GALNT9: variants seen among roughly 807,000 people sequenced by gnomAD.
The protein encoded by GALNT9 is GalNAc transferase 9.
A neutral mutation model predicts 63.1 loss-of-function variants in GALNT9; 47 were observed. The observed-to-expected ratio is 0.75, with a 90% confidence interval of 0.59 to 0.95. The LOEUF (loss-of-function observed/expected upper bound fraction) is 0.95, where lower values mean the gene tolerates loss of function less well. Ranked by LOEUF, GALNT9 falls within the 40% of genes least tolerant of loss-of-function variation. GALNT9 has a pLI of 0.00. For synonymous variants in GALNT9, 396 were observed against 365.7 expected (o/e 1.08, Z -0.94); for missense variants, 829 against 874.8 (o/e 0.95, Z 0.66).
intron 2 of GALNT9, among the ~76,000 whole-genome samples, chr12:132,267,795 TCACACGCACTCA>T (rs782494708): frequency 1.0e-3 from 50 of 48,276 alleles, no homozygotes; most frequent in Admixed American, 1.2e-3. Flanking sequence ...ACACACGCAC[TCACACGCACTCA>T]CACACGCACT....
In GALNT9 at chr12:132,261,169, C is replaced by T. The variant is rs116574738; in HGVS notation, c.587-47G>A. 9.2e-4 allele frequency: 1,423 copies of T among 1,540,588 alleles called. 11 individuals carry two copies. The African/African-American group carries it at 0.016, about 18-fold the overall frequency. ...GCACGCTGGCAGGTGCTGGCAGGCG[C>T]GGGGCCACCAAGACCCAAGGCTGGA... On this transcript the variant is annotated intron_variant, in intron 3 of 10. Transcript: ENST00000328957.
In GALNT9 at chr12:132,328,948, C is replaced by T; in HGVS notation, c.238+18G>A. The T allele has an allele frequency of 2.0e-6, 3 of 1,505,372 alleles. No individual in the cohort carries two copies. Among genetic ancestry groups the T allele is most frequent in the Non-Finnish European group, 2.7e-6 (3 of 1,126,198 alleles). 93.3% of individuals were successfully genotyped at this position (1,505,372 alleles called of 1,614,324 possible). On this transcript the variant is annotated intron_variant, in intron 1 of 10. Transcript: ENST00000328957. ...CCGGGCAGGGCTGCCCCCACTCCGCCCCGGCGCCCCCGCTCACCGTTGAGC... is the reference window on the plus strand; with the variant it reads ...CCGGGCAGGGCTGCCCCCACTCCGCTCCGGCGCCCCCGCTCACCGTTGAGC...
chr12:132,261,208 G>A (rs1157623968), intron 3 of GALNT9, 86 bp from the exon 4 acceptor site: 82 of 1,526,962 alleles, frequency 5.4e-5, no homozygotes, highest in Non-Finnish European at 6.1e-5. Context: ...GCTGCGTGCC[G>A]CGTGTGGGAT....
intron 6 of GALNT9, among the ~76,000 whole-genome samples, chr12:132,225,436 C>A (rs1801995454): frequency 6.7e-6 from 1 of 149,762 alleles, no homozygotes; most frequent in Admixed American, 6.7e-5. Context: ...ACACCCCCCA[C>A]ACACACACCA....
intron 1 of GALNT9, among the ~76,000 whole-genome samples, chr12:132,314,674 G>T (rs1766711290): frequency 6.6e-6 from 1 of 152,238 alleles, no homozygotes; most frequent in South Asian, 2.1e-4. Flanking sequence ...CCCCCTGCCT[G>T]ACTGTGAACT....
intron 7 of GALNT9, among the ~76,000 whole-genome samples, chr12:132,202,911 G>T (rs919701878): frequency 2.0e-5 from 3 of 152,148 alleles, no homozygotes; most frequent in African/African-American, 7.2e-5. Context: ...AACTTGAAGC[G>T]GGTCAGCCAC....
intron 3 of GALNT9, 78 bp from the exon 4 acceptor site, chr12:132,261,200 T>A (rs533969997): frequency 6.5e-6 from 10 of 1,531,488 alleles, no homozygotes; most frequent in Non-Finnish European, 8.8e-6. Context: ...CTGGAAATGC[T>A]GCGTGCCGCG....
chr12:132,269,361 G>A (rs939536882), intron 2 of GALNT9, among the ~76,000 whole-genome samples: 1 of 152,256 alleles, frequency 6.6e-6, no homozygotes, highest in African/African-American at 2.4e-5. Flanking sequence ...GTGGCTGCGA[G>A]CTTTTCCGAG....
intron 1 of GALNT9, among the ~76,000 whole-genome samples, chr12:132,299,072 AC>A (rs144609310): frequency 0.095 from 12,840 of 135,408 alleles, 936 homozygotes; most frequent in East Asian, 0.18. Context: ...ACCACACCTA[AC>A]CCACCCGAGA....
At chr12:132,326,906 T>C (rs1869060065) in intron 1 of GALNT9, among the ~76,000 whole-genome samples, 1 of 152,224 alleles carries the variant, frequency 6.6e-6, no homozygotes, top group Admixed American at 6.5e-5. Flanking sequence ...ATCAGGCCTC[T>C]ACGGCACCGC....
At chr12:132,251,028 G>A (rs973184355) in intron 5 of GALNT9, among the ~76,000 whole-genome samples, 1 of 152,154 alleles carries the variant, frequency 6.6e-6, no homozygotes, top group African/African-American at 2.4e-5. Context: ...CAAGGGCACC[G>A]GAGCCGCGTC....
chr12:132,264,691 T>C (rs28707148), intron 2 of GALNT9, among the ~76,000 whole-genome samples: 10,826 of 152,212 alleles, frequency 0.071, 1,292 homozygotes, highest in African/African-American at 0.25. Context: ...TGGGCTCTGA[T>C]TGGGTGACGT....
intron 6 of GALNT9, among the ~76,000 whole-genome samples, chr12:132,204,786 C>G (rs1267073900): frequency 1.3e-5 from 2 of 152,128 alleles, no homozygotes; most frequent in African/African-American, 4.8e-5. Flanking sequence ...TAAAAAAAGG[C>G]CGATGCCACC....
chr12:132,220,887 T>A (rs962822219), intron 6 of GALNT9, among the ~76,000 whole-genome samples: 3 of 148,232 alleles, frequency 2.0e-5, no homozygotes, highest in African/African-American at 7.5e-5. Context: ...TGAAACCCTG[T>A]CTCTACTAAA....
intron 5 of GALNT9, among the ~76,000 whole-genome samples, chr12:132,256,466 C>T (rs935220271): frequency 6.6e-6 from 1 of 151,138 alleles, no homozygotes; most frequent in Non-Finnish European, 1.5e-5. Flanking sequence ...TGAGTAACGC[C>T]GCTGTGAACG....
At chr12:132,229,566 A>C (rs1877819444) in intron 6 of GALNT9, among the ~76,000 whole-genome samples, 1 of 152,242 alleles carries the variant, frequency 6.6e-6, no homozygotes, top group African/African-American at 2.4e-5. Flanking sequence ...CCCCGCAGTA[A>C]GTCCTGCTCT....
chr12:132,204,945 C>T (rs1268065548), intron 6 of GALNT9, among the ~76,000 whole-genome samples: 1 of 152,094 alleles, frequency 6.6e-6, no homozygotes, highest in African/African-American at 2.4e-5. Flanking sequence ...CTGAATCCCC[C>T]CACCACCCGA....
In GALNT9 at chr12:132,197,891, G is replaced by T; in HGVS notation, c.1566C>A (p.Asp522Glu). 6.2e-7 allele frequency: 1 copy of T among 1,611,698 alleles called. No homozygotes were observed. Among genetic ancestry groups the T allele is most frequent in the Non-Finnish European group, 8.5e-7 (1 of 1,179,342 alleles). Reference protein sequence around the residue: ...GPLGSTAFLPDSKCLVDDGTG... With the variant: ...GPLGSTAFLPESKCLVDDGTG... Reference sequence around the variant, plus strand: ...TGCCGTCATCCACCAGACACTTGGAGTCAGGCAAGAAGGCTGTGGAGCCCA... The same window carrying T: ...TGCCGTCATCCACCAGACACTTGGATTCAGGCAAGAAGGCTGTGGAGCCCA... Residue 522 changes from aspartate (D) to glutamate (E), a missense_variant, in exon 10 of 11, where the codon GAC becomes GAA. Transcript: ENST00000328957.
At chr12:132,297,754 A>G (rs1256563364) in intron 1 of GALNT9, among the ~76,000 whole-genome samples, 4 of 151,580 alleles carry the variant, frequency 2.6e-5, no homozygotes, top group African/African-American at 7.3e-5. Flanking sequence ...ATGAAAACCA[A>G]CTCCCTCCTG....
Sources: gnomAD v4.1 joint callset for allele counts (sites outside exome capture counted in the v4.1 genomes callset) on GRCh38, gnomAD v4.1.1 for gene constraint, MANE v1.5 for transcripts, NCBI Gene and HGNC (gene_info 2026-07-23, HGNC 2026-07-21) for gene names.